ABL1: variants seen among roughly 807,000 people sequenced by gnomAD.
The protein encoded by ABL1 is ABL proto-oncogene 1, non-receptor tyrosine kinase, also known as tyrosine-protein kinase ABL1.
In ABL1, 11 loss-of-function variants were observed where a neutral mutation model predicts 94.7. The observed-to-expected ratio is 0.12, with a 90% confidence interval of 0.07 to 0.19. The LOEUF (loss-of-function observed/expected upper bound fraction) is 0.19, where lower values mean the gene tolerates loss of function less well. ABL1 is among the 10% of genes least tolerant of loss of function. The probability of loss-of-function intolerance (pLI) is 1.00; values close to 1 mark genes in which losing one functional copy is unlikely to be tolerated. For synonymous variants in ABL1, 656 were observed against 622.4 expected, an observed-to-expected ratio of 1.05 and a Z score of -0.80; for missense variants, 1,082 against 1,489.4, an observed-to-expected ratio of 0.73 and a Z score of 4.50.
chr9:130,771,752 C>CTTTTTT, intron 1 of ABL1, among the ~76,000 whole-genome samples: 1 of 106,920 alleles, frequency 9.4e-6, no homozygotes, highest in Non-Finnish European at 1.9e-5. Context: ...TTCTTTCTTT[C>CTTTTTT]TTTTTTTTTT....
chr9:130,719,216 A>G (rs563044564), intron 1 of ABL1, among the ~76,000 whole-genome samples: 3 of 152,110 alleles, frequency 2.0e-5, no homozygotes, highest in South Asian at 4.2e-4. Context: ...GTTATCTTAT[A>G]ATACGAAAAA....
In ABL1 at chr9:130,880,558, G is replaced by A; in HGVS notation, c.1572G>A (p.Gln524=). The change falls in exon 10 of 11, where the codon CAG becomes CAA. Residue 524 remains glutamine (Q), a synonymous_variant. Transcript: ENST00000318560. This position sits in a 1 kb window ranked among gnomAD's most constrained non-coding sequence, Gnocchi z 4.4. The part of the protein sequence containing the change: ...GVRGAVSTLL[Q]APELPTKTRT... ...GTGGGGCTGTGAGTACCTTGCTGCA[G>A]GCCCCAGAGCTGCCCACCAAGACGA... 1.2e-6 allele frequency: 2 copies of A among 1,613,912 alleles called. No homozygotes were observed. The highest frequency in any genetic ancestry group is 1.7e-6 in the Non-Finnish European group (2 of 1,179,914).
At chr9:130,849,855 G>T (rs1244383411) in intron 1 of ABL1, among the ~76,000 whole-genome samples, 1 of 152,078 alleles carries the variant, frequency 6.6e-6, no homozygotes, top group Admixed American at 6.5e-5. Flanking sequence ...TTGTTTATTC[G>T]TGGCTTTGCC....
At chr9:130,785,743 T>G (rs774728073) in intron 1 of ABL1, among the ~76,000 whole-genome samples, 1 of 151,700 alleles carries the variant, frequency 6.6e-6, no homozygotes, top group Non-Finnish European at 1.5e-5. Context: ...GCCAACATGG[T>G]GAAACCCCGT....
chr9:130,878,242 C>T (rs1437581357), intron 7 of ABL1, among the ~76,000 whole-genome samples, 173 bp from the exon 8 acceptor site: 1 of 152,176 alleles, frequency 6.6e-6, no homozygotes, highest in African/African-American at 2.4e-5. Context: ...TGAGCCACCG[C>T]ACCCAGCCTT....
chr9:130,793,861 A>C (rs1329047476), intron 1 of ABL1, among the ~76,000 whole-genome samples: 1 of 152,166 alleles, frequency 6.6e-6, no homozygotes, highest in African/African-American at 2.4e-5. Flanking sequence ...CAGTGGCGGC[A>C]TTAGTTTCTC....
chr9:130,847,477 A>G (rs990020105), intron 1 of ABL1, among the ~76,000 whole-genome samples: 1 of 152,178 alleles, frequency 6.6e-6, no homozygotes, highest in Admixed American at 6.5e-5. Context: ...ATTTAAGTAC[A>G]TTCTGCAACT....
intron 1 of ABL1, among the ~76,000 whole-genome samples, chr9:130,791,244 G>C (rs1467636152): frequency 6.6e-6 from 1 of 152,120 alleles, no homozygotes; most frequent in African/African-American, 2.4e-5. Context: ...TACTGAAACA[G>C]TGTTTTCAAA....
rs143142002 is a variant in ABL1, at chr9:130,860,177, G to T, written c.550-2586G>T. ...ATGATTACACAGTTCCCCAACAAGTGCTGCTCAAAACCTGGAACTAATCAG... is the reference window on the plus strand; with the variant it reads ...ATGATTACACAGTTCCCCAACAAGTTCTGCTCAAAACCTGGAACTAATCAG... On this transcript the variant is annotated intron_variant, in intron 3 of 10. Transcript: ENST00000318560. 1.8e-4 allele frequency among the ~76,000 whole-genome samples: 28 copies of T among 152,284 alleles called. No homozygotes were observed. In the East Asian group the frequency reaches 5.2e-3, roughly 28 times the overall value.
chr9:130,818,576 C>G (rs1830319547), intron 1 of ABL1, among the ~76,000 whole-genome samples: 1 of 152,080 alleles, frequency 6.6e-6, no homozygotes, highest in South Asian at 2.1e-4. Context: ...TACAAAGATT[C>G]TTCTGTTTTT....
intron 1 of ABL1, among the ~76,000 whole-genome samples, chr9:130,775,927 C>T (rs188562921): frequency 1.2e-4 from 19 of 152,190 alleles, no homozygotes; most frequent in Non-Finnish European, 2.4e-4. Flanking sequence ...ATCTTAAAAG[C>T]GCTGAGAGAA....
intron 1 of ABL1, among the ~76,000 whole-genome samples, chr9:130,741,420 G>A (rs113875088): frequency 1.4e-5 from 2 of 144,196 alleles, no homozygotes; most frequent in East Asian, 2.1e-4. Flanking sequence ...TTACCATGCC[G>A]GAGTAACAGT....
chr9:130,762,783 T>A (rs1298984278), intron 1 of ABL1, among the ~76,000 whole-genome samples: 1 of 151,564 alleles, frequency 6.6e-6, no homozygotes, highest in Non-Finnish European at 1.5e-5. Context: ...TGGTAGCGGG[T>A]GCCTGTAGTC....
chr9:130,822,029 G>A (rs894839332), intron 1 of ABL1, among the ~76,000 whole-genome samples: 7 of 151,980 alleles, frequency 4.6e-5, no homozygotes, highest in Admixed American at 1.3e-4. Context: ...TAGTAGAGAC[G>A]AGGTTTCACT....
chr9:130,730,205 G>A (rs1831646142), intron 1 of ABL1, among the ~76,000 whole-genome samples: 1 of 151,850 alleles, frequency 6.6e-6, no homozygotes, highest in Non-Finnish European at 1.5e-5. Context: ...ACCAAACCCA[G>A]CTAATTTTGT....
intron 6 of ABL1, among the ~76,000 whole-genome samples, chr9:130,874,638 T>C (rs979865780): frequency 2.0e-5 from 3 of 152,228 alleles, no homozygotes; most frequent in African/African-American, 7.2e-5. Context: ...CTCCAGGTCA[T>C]GAGGCCAGGG....
At chr9:130,861,140 G>A (rs1055468311) in intron 3 of ABL1, among the ~76,000 whole-genome samples, 3 of 152,196 alleles carry the variant, frequency 2.0e-5, no homozygotes, top group African/African-American at 7.2e-5. Flanking sequence ...CCATTCAGCG[G>A]TCCTGTCTTG....
At chr9:130,857,934 A>G (rs1018796516) in intron 3 of ABL1, among the ~76,000 whole-genome samples, 1 of 152,084 alleles carries the variant, frequency 6.6e-6, no homozygotes, top group Non-Finnish European at 1.5e-5. Flanking sequence ...GACGTACTTC[A>G]GGACATTGGG....
intron 1 of ABL1, among the ~76,000 whole-genome samples, chr9:130,771,752 C>CTTT (rs57339049): frequency 5.6e-5 from 6 of 106,826 alleles, no homozygotes; most frequent in East Asian, 3.0e-4. Flanking sequence ...TTCTTTCTTT[C>CTTT]TTTTTTTTTT....
Sources: gnomAD v4.1 joint callset for allele counts (sites outside exome capture counted in the v4.1 genomes callset) on GRCh38, gnomAD v4.1.1 for gene constraint, Gnocchi (gnomAD v3.1) non-coding constraint, MANE v1.5 for transcripts, NCBI Gene and HGNC (gene_info 2026-07-23, HGNC 2026-07-21) for gene names.